Variants in XYLT1 observed in about 807,000 individuals in gnomAD.
The protein encoded by XYLT1 is beta-D-xylosyltransferase 1.
In XYLT1, 36 loss-of-function variants were observed where a neutral mutation model predicts 91.3. The observed-to-expected ratio is 0.39, with a 90% CI of 0.30 to 0.52. The LOEUF is 0.52. Ranked by LOEUF, XYLT1 falls within the 20% of genes least tolerant of loss-of-function variation. XYLT1 has a pLI of 0.68. For missense variants in XYLT1, 1,242 were observed against 1,284.5 expected, an observed-to-expected ratio of 0.97 and a Z score of 0.51; for synonymous variants, 588 against 532.0, an observed-to-expected ratio of 1.11 and a Z score of -1.45.
chr16:17,407,333 GTA>G (rs912358056), intron 1 of XYLT1, among the ~76,000 whole-genome samples: 1 of 152,004 alleles, frequency 6.6e-6, no homozygotes, highest in African/African-American at 2.4e-5. Context: ...ATATATATGT[GTA>G]TATATATAAG....
intron 1 of XYLT1, among the ~76,000 whole-genome samples, chr16:17,393,586 C>T (rs185430252): frequency 2.0e-5 from 3 of 152,062 alleles, no homozygotes; most frequent in Admixed American, 6.5e-5. Context: ...AAATGTTCAC[C>T]AGCAATACAT....
intron 5 of XYLT1, among the ~76,000 whole-genome samples, chr16:17,189,947 G>C (rs988528546): frequency 3.9e-5 from 6 of 152,190 alleles, no homozygotes; most frequent in Non-Finnish European, 5.9e-5. Flanking sequence ...CTGGGAGGCA[G>C]AGCCAGGAGA....
intron 2 of XYLT1, among the ~76,000 whole-genome samples, chr16:17,337,171 T>C (rs1462757949): frequency 1.3e-5 from 2 of 152,042 alleles, no homozygotes; most frequent in African/African-American, 4.8e-5. Flanking sequence ...TCTGCAAAGG[T>C]GGTAACACTG....
intron 3 of XYLT1, among the ~76,000 whole-genome samples, chr16:17,245,285 C>T (rs1248686999): frequency 3.3e-5 from 5 of 152,190 alleles, no homozygotes; most frequent in African/African-American, 1.2e-4. Flanking sequence ...TGCCTTCTCA[C>T]CATCTTTTCA....
chr16:17,188,026 G>C (rs1247087957), intron 5 of XYLT1, among the ~76,000 whole-genome samples: 1 of 152,032 alleles, frequency 6.6e-6, no homozygotes, highest in Non-Finnish European at 1.5e-5. Flanking sequence ...CAGGTGTGGG[G>C]TCCTGGTCCC....
intron 1 of XYLT1, among the ~76,000 whole-genome samples, chr16:17,423,149 GCT>G (rs2036269991): frequency 1.3e-5 from 2 of 149,266 alleles, no homozygotes; most frequent in South Asian, 4.1e-4. Context: ...ACCTCGCTGG[GCT>G]TGCCAACTTT....
In XYLT1 at chr16:17,127,720, T is replaced by C. The variant is rs753887357; in HGVS notation, c.2169A>G (p.Lys723=). The C allele has an allele frequency of 6.2e-7, 1 of 1,614,144 alleles. No homozygotes were observed. Among genetic ancestry groups the C allele is most frequent in the African/African-American group, 1.3e-5 (1 of 75,044 alleles). ...TGGGTGGGCTTGCGATCTTGAAGAC[T>C]TTTTTCGGCATCACCCAGGTCTCCA... is the stretch of plus-strand genomic sequence containing the variant. ...ETLETWVMPK[K]VFKIASPPSD... Residue 723 remains lysine (K), a synonymous_variant, in exon 10 of 12, where the codon AAA becomes AAG. Transcript: ENST00000261381.
intron 2 of XYLT1, among the ~76,000 whole-genome samples, chr16:17,325,015 T>C (rs1327841418): frequency 6.6e-6 from 1 of 152,148 alleles, no homozygotes; most frequent in Non-Finnish European, 1.5e-5. Flanking sequence ...AAGTATCTAT[T>C]ATGTGGTTCA....
At chr16:17,297,479 G>A (rs925788558) in intron 2 of XYLT1, among the ~76,000 whole-genome samples, 2 of 151,886 alleles carry the variant, frequency 1.3e-5, no homozygotes, top group Non-Finnish European at 2.9e-5. Context: ...ACTCTAGGAA[G>A]CCAAGGCAAG....
At chr16:17,205,141 G>T (rs1006466448) in intron 3 of XYLT1, among the ~76,000 whole-genome samples, 2 of 152,230 alleles carry the variant, frequency 1.3e-5, no homozygotes, top group African/African-American at 4.8e-5. Context: ...TTTTTGCAGT[G>T]CAGGTGTGAA....
At chr16:17,208,807 C>G (rs2032705785) in intron 3 of XYLT1, among the ~76,000 whole-genome samples, 1 of 152,194 alleles carries the variant, frequency 6.6e-6, no homozygotes, top group Non-Finnish European at 1.5e-5. Flanking sequence ...TCACTGCAAC[C>G]TCCACCTCCC....
chr16:17,127,526 G>C (rs1265689306), intron 10 of XYLT1, 140 bp downstream of exon 10: 26 of 1,042,396 alleles, frequency 2.5e-5, no homozygotes, highest in Non-Finnish European at 2.9e-5. Context: ...AACCTTCTTC[G>C]GGCACAGGGT....
Position 17,141,224 on chromosome 16 carries a change from C to A in XYLT1, c.1516G>T (p.Val506Leu), listed in dbSNP as rs955428726. ...FLLNRRFVEYVTFSTDDLVTK... is the reference protein window; with the variant it reads ...FLLNRRFVEYLTFSTDDLVTK... ...ACCAGATCGTCTGTGGAGAAGGTCA[C>A]ATATTCTACAAACCTCCGGTTCAGC... Residue 506 changes from valine to leucine, a missense_variant, in exon 7 of 12, where the codon GTG (valine) becomes TTG (leucine). By Grantham distance (32) the Val-to-Leu change is conservative (BLOSUM62 1). This residue lies in a region of XYLT1 where 294 missense variants were observed against 376.0 expected (regional missense o/e 0.78). Coordinates refer to ENST00000261381, the MANE Select transcript of XYLT1 (RefSeq NM_022166.4). 1 of 1,614,234 alleles carries A rather than the reference C, an allele frequency of 6.2e-7. No individual in the cohort carries two copies. The highest frequency in any genetic ancestry group is 1.1e-5 in the South Asian group (1 of 91,090).
At chr16:17,116,805 G>A (rs1000989840) in intron 11 of XYLT1, among the ~76,000 whole-genome samples, 16 of 152,312 alleles carry the variant, frequency 1.1e-4, no homozygotes, top group African/African-American at 3.8e-4. Context: ...TAGTAACACA[G>A]GTTCTTATCT....
chr16:17,395,492 A>G (rs970442326), intron 1 of XYLT1, among the ~76,000 whole-genome samples: 1 of 152,242 alleles, frequency 6.6e-6, no homozygotes, highest in African/African-American at 2.4e-5. Context: ...CCTGGGCAGC[A>G]CAGCGAAACC....
chr16:17,353,985 C>T (rs1236608328), intron 2 of XYLT1, among the ~76,000 whole-genome samples: 2 of 152,186 alleles, frequency 1.3e-5, no homozygotes, highest in Non-Finnish European at 2.9e-5. Flanking sequence ...CACACAAACA[C>T]CTGTGTAACC....
chr16:17,305,419 T>TC (rs1303044532), intron 2 of XYLT1, among the ~76,000 whole-genome samples: 4 of 28,438 alleles, frequency 1.4e-4, no homozygotes, highest in Admixed American at 7.9e-4. Context: ...TTCTTCTTCT[T>TC]TTTTTTTTTT....
intron 6 of XYLT1, among the ~76,000 whole-genome samples, chr16:17,157,551 G>A (rs1317433182): frequency 6.6e-6 from 1 of 152,140 alleles, no homozygotes; most frequent in Non-Finnish European, 1.5e-5. Context: ...ATTTTCATAG[G>A]AAATACTGCT....
intron 1 of XYLT1, among the ~76,000 whole-genome samples, chr16:17,458,438 G>C (rs959335898): frequency 3.3e-5 from 5 of 152,208 alleles, no homozygotes; most frequent in African/African-American, 7.2e-5. Flanking sequence ...ACAGAAGACA[G>C]GCATGGGGAG....
Sources: allele counts gnomAD v4.1 joint callset (sites outside exome capture counted in the v4.1 genomes callset), GRCh38; gene constraint gnomAD v4.1.1; regional missense constraint gnomAD v4.1.1; transcripts MANE v1.5; gene names NCBI Gene and HGNC (gene_info 2026-07-23, HGNC 2026-07-21).